KCNK1: variants seen among roughly 807,000 people sequenced by gnomAD.
KCNK1 encodes the protein potassium channel subfamily K member 1.
KCNK1 carries 10 observed loss-of-function variants against 22.2 expected under a neutral mutation model. That is an observed-to-expected ratio of 0.45 (90% CI 0.28 to 0.76). KCNK1 has a LOEUF of 0.76. Among genes scored for constraint, KCNK1 ranks in the 30% least tolerant of loss-of-function variants. The pLI is 0.14. For synonymous variants in KCNK1, 200 were observed against 186.4 expected, an observed-to-expected ratio of 1.07 and a Z score of -0.60; for missense variants, 378 against 421.0, an observed-to-expected ratio of 0.90 and a Z score of 0.89.
intron 1 of KCNK1, among the ~76,000 whole-genome samples, chr1:233,658,142 T>A (rs1658332275): frequency 1.3e-5 from 2 of 152,144 alleles, no homozygotes; most frequent in African/African-American, 4.8e-5. Flanking sequence ...ATTTAAATTC[T>A]CAAGCTAAGA....
At chr1:233,623,287 A>G (rs1657624643) in intron 1 of KCNK1, among the ~76,000 whole-genome samples, 1 of 151,964 alleles carries the variant, frequency 6.6e-6, no homozygotes, top group African/African-American at 2.4e-5. Context: ...TGGGAAGGGT[A>G]CGGGGAGGGG....
intron 1 of KCNK1, among the ~76,000 whole-genome samples, chr1:233,660,999 G>C (rs1253728182): frequency 6.6e-6 from 1 of 152,108 alleles, no homozygotes; most frequent in Non-Finnish European, 1.5e-5. Flanking sequence ...TTTATTTATA[G>C]AGTAGAAATA....
At chr1:233,661,578 G>A (rs759725215) in intron 1 of KCNK1, among the ~76,000 whole-genome samples, 11 of 152,170 alleles carry the variant, frequency 7.2e-5, no homozygotes, top group Non-Finnish European at 1.3e-4. Flanking sequence ...CTCCTTGGTC[G>A]CGTGTATTGA....
intron 1 of KCNK1, among the ~76,000 whole-genome samples, chr1:233,635,517 TATTTTTTATTTCAA>T (rs1433603078): frequency 1.3e-5 from 2 of 152,228 alleles, no homozygotes; most frequent in East Asian, 3.8e-4. Context: ...CGACTATATA[TATTTTTTATTTCAA>T]ATTATAATAC....
chr1:233,669,696 A>C (rs903829078), intron 2 of KCNK1, among the ~76,000 whole-genome samples: 1 of 152,138 alleles, frequency 6.6e-6, no homozygotes, highest in Non-Finnish European at 1.5e-5. Context: ...AAAATACAAA[A>C]ATTAGCTGAA....
rs572139034 is a variant in KCNK1, at chr1:233,666,663, A to G, written c.424A>G (p.Ile142Val). The part of the protein sequence containing the change: ...AFCIIYSVIG[I>V]PFTLLFLTAV... Reference sequence around the variant, plus strand: ...CTGCATCATCTACTCCGTCATTGGCATTCCCTTCACCCTCCTGTTCCTGAC... The same window carrying G: ...CTGCATCATCTACTCCGTCATTGGCGTTCCCTTCACCCTCCTGTTCCTGAC... Residue 142 changes from isoleucine (I) to valine (V), a missense_variant, in exon 2 of 3, where the codon ATT becomes GTT. Coordinates refer to ENST00000366621, the MANE Select transcript of KCNK1 (RefSeq NM_002245.4). 81 of 1,614,030 alleles carry G rather than the reference A, an allele frequency of 5.0e-5. No homozygotes were observed. In the South Asian group the frequency reaches 8.5e-4, roughly 17 times the overall value.
At chr1:233,669,363 C>T (rs1658556242) in intron 2 of KCNK1, among the ~76,000 whole-genome samples, 1 of 152,162 alleles carries the variant, frequency 6.6e-6, no homozygotes, top group South Asian at 2.1e-4. Context: ...CATTTTATCA[C>T]TTCTTACAAT....
chr1:233,635,234 T>A (rs1420862666), intron 1 of KCNK1, among the ~76,000 whole-genome samples: 1 of 152,214 alleles, frequency 6.6e-6, no homozygotes, highest in Non-Finnish European at 1.5e-5. Flanking sequence ...ATGGGGAATA[T>A]CCCTGAGGGT....
In KCNK1 at chr1:233,666,690, G is replaced by A; in HGVS notation, c.451G>A (p.Ala151Thr). The part of the protein sequence containing the change: ...GIPFTLLFLT[A>T]VVQRITVHVT... ...TCCCTTCACCCTCCTGTTCCTGACG[G>A]CTGTGGTCCAGCGCATCACCGTGCA... The change falls in exon 2 of 3, where the codon GCT becomes ACT. Residue 151 changes from alanine (A) to threonine (T), a missense_variant. Transcript: ENST00000366621. The A allele has an allele frequency of 6.2e-7, 1 of 1,614,110 alleles. No individual in the cohort carries two copies. The highest frequency in any genetic ancestry group is 8.5e-7 in the Non-Finnish European group (1 of 1,180,038).
intron 1 of KCNK1, among the ~76,000 whole-genome samples, chr1:233,646,588 A>G (rs916949345): frequency 1.3e-5 from 2 of 151,986 alleles, no homozygotes; most frequent in Non-Finnish European, 2.9e-5. Flanking sequence ...AAGAGATAGG[A>G]AAAGCCGAGT....
chr1:233,630,619 C>T (rs933077553), intron 1 of KCNK1: 1 of 152,226 alleles, frequency 6.6e-6, no homozygotes, highest in Non-Finnish European at 1.5e-5. Flanking sequence ...TTTTCTTCCT[C>T]ATCAGATAGG....
intron 1 of KCNK1, among the ~76,000 whole-genome samples, chr1:233,637,087 T>C (rs1375065627): frequency 6.6e-6 from 1 of 151,318 alleles, no homozygotes; most frequent in Admixed American, 6.6e-5. Context: ...TCCCAGCTAC[T>C]TGGGAGGCTG....
intron 1 of KCNK1, among the ~76,000 whole-genome samples, chr1:233,629,030 A>G (rs141270129): frequency 6.6e-6 from 1 of 152,266 alleles, no homozygotes; most frequent in East Asian, 1.9e-4. Context: ...ACCCCCTTCT[A>G]ACTCTAACAT....
chr1:233,666,511 C>G (rs985827812), intron 1 of KCNK1, 84 bp from the exon 2 acceptor site: 13 of 1,313,320 alleles, frequency 9.9e-6, no homozygotes, highest in Non-Finnish European at 7.4e-6. Context: ...GGAATAAGGG[C>G]AGATGATAGG....
At chr1:233,644,315 G>A (rs569424504) in intron 1 of KCNK1, among the ~76,000 whole-genome samples, 1 of 152,258 alleles carries the variant, frequency 6.6e-6, no homozygotes, top group South Asian at 2.1e-4. Context: ...GACATGAATT[G>A]TGGGGGACAC....
intron 1 of KCNK1, among the ~76,000 whole-genome samples, chr1:233,652,579 T>C (rs926281574): frequency 6.6e-6 from 1 of 152,216 alleles, no homozygotes; most frequent in Non-Finnish European, 1.5e-5. Context: ...ATTGGAATGC[T>C]CTTCACAGGT....
intron 1 of KCNK1, among the ~76,000 whole-genome samples, chr1:233,659,923 G>A (rs1243429688): frequency 6.6e-6 from 1 of 152,118 alleles, no homozygotes; most frequent in East Asian, 1.9e-4. Context: ...AGCTACATCA[G>A]GGCAAGGGGC....
At chr1:233,635,752 C>T (rs949289613) in intron 1 of KCNK1, among the ~76,000 whole-genome samples, 4 of 151,958 alleles carry the variant, frequency 2.6e-5, no homozygotes, top group Admixed American at 2.6e-4. Flanking sequence ...CAGGGAACAA[C>T]AGACTAAAAT....
rs1033766436 is a variant in KCNK1, at chr1:233,671,638, A to G, written c.*108A>G. 7.9e-7 allele frequency: 1 copy of G among 1,265,912 alleles called. No individual in the cohort carries two copies. The highest frequency in any genetic ancestry group is 1.5e-5 in the African/African-American group (1 of 67,240). The allele number at this position is 1,265,912 out of a possible 1,614,324, so 78.4% of individuals were successfully genotyped here. A position where few individuals can be genotyped will look rare whatever the true frequency, so the allele number is the denominator to read the frequency against. ...GCAAAAGCGAAAATTATGTCACTTT[A>G]AGAAATAGCTACTGTTTGCAATGTC... On this transcript the variant is annotated 3_prime_UTR_variant, in exon 3 of 3. Transcript: ENST00000366621.
Sources: allele counts gnomAD v4.1 joint callset (sites outside exome capture counted in the v4.1 genomes callset), GRCh38; gene constraint gnomAD v4.1.1; transcripts MANE v1.5; gene names NCBI Gene and HGNC (gene_info 2026-07-23, HGNC 2026-07-21).